Variants in CDIN1 observed in about 807,000 individuals in gnomAD.
The protein encoded by CDIN1 is CDAN1-interacting nuclease 1.
In CDIN1, 33 loss-of-function variants were observed where a neutral mutation model predicts 45.3. That is an observed-to-expected ratio of 0.73 (90% CI 0.55 to 0.97). The LOEUF (loss-of-function observed/expected upper bound fraction) is 0.97. CDIN1 is among the 50% of genes least tolerant of loss of function. The probability of loss-of-function intolerance (pLI) is 0.00; values close to 1 mark genes in which losing one functional copy is unlikely to be tolerated. For synonymous variants in CDIN1, 118 were observed against 124.4 expected (o/e 0.95, Z 0.34); for missense variants, 303 against 339.4 (o/e 0.89, Z 0.84).
intron 1 of CDIN1, among the ~76,000 whole-genome samples, chr15:36,584,184 A>G (rs2037181803): frequency 6.6e-6 from 1 of 152,190 alleles, no homozygotes; most frequent in Non-Finnish European, 1.5e-5. Context: ...TGTGTTTGCA[A>G]AGTGAAATTT....
At position 36,697,336 on chromosome 15, in the gene CDIN1, G is replaced by A; in HGVS notation, c.490G>A (p.Glu164Lys). ...GAAACTTCCCAGTGCCATTGGTCAT[G>A]AGCATGAGGTCCTGCTGAGAGACTT... ...VDCIKHAIGHEHEVLLRDLLL... is the reference protein window; with the variant it reads ...VDCIKHAIGHKHEVLLRDLLL... Residue 164 changes from glutamate (E) to lysine (K), a missense_variant, in exon 8 of 11, where the codon GAG becomes AAG. By Grantham distance (56) the Glu-to-Lys change is moderately conservative. Coordinates refer to ENST00000566621, the MANE Select transcript of CDIN1 (RefSeq NM_001321759.2). 6.2e-7 allele frequency: 1 copy of A among 1,612,508 alleles called. No individual in the cohort carries two copies.
Position 36,800,909 on chromosome 15 carries a change from GTATATATATA to G in CDIN1, c.717-7389_717-7380del, listed in dbSNP as rs370036091. 1.9e-3 allele frequency among the ~76,000 whole-genome samples: 43 copies of G among 22,390 alleles called. 1 individual carries two copies. The highest frequency in any genetic ancestry group is 0.014 in the Admixed American group (15 of 1,052). The allele number at this position is 22,390 out of a possible 152,430, so 14.7% of individuals were successfully genotyped here. ...TGTGTGTGTGTGTGTGTGTGTGTGT[GTATATATATA>G]TATATATATATATATATATATATAT... On this transcript the variant is annotated intron_variant, in intron 10 of 10. Coordinates refer to ENST00000566621, the MANE Select transcript of CDIN1 (RefSeq NM_001321759.2).
chr15:36,782,116 G>A (rs2054368045), intron 10 of CDIN1, among the ~76,000 whole-genome samples: 1 of 152,112 alleles, frequency 6.6e-6, no homozygotes, highest in South Asian at 2.1e-4. Flanking sequence ...ATAATTAGCA[G>A]CCTTGACTTT....
intron 10 of CDIN1, among the ~76,000 whole-genome samples, chr15:36,749,132 A>G (rs2053388242): frequency 6.6e-6 from 1 of 152,216 alleles, no homozygotes; most frequent in African/African-American, 2.4e-5. Flanking sequence ...AGAAATATAC[A>G]TATTAAATGA....
intron 10 of CDIN1, among the ~76,000 whole-genome samples, chr15:36,781,580 A>T (rs80207479): frequency 0.019 from 2,952 of 152,338 alleles, 105 homozygotes; most frequent in African/African-American, 0.066. Flanking sequence ...AAATGACTGA[A>T]ACATGTTCTT....
chr15:36,615,405 C>A (rs1361432024), intron 1 of CDIN1, among the ~76,000 whole-genome samples: 1 of 152,034 alleles, frequency 6.6e-6, no homozygotes, highest in Non-Finnish European at 1.5e-5. Flanking sequence ...AAAGAGAAAT[C>A]AATAGTGCAA....
rs2055302024 is a variant in CDIN1 at position 36,808,432 on chromosome 15, C to T, written c.825C>T (p.Thr275=). ...LKACFPTNIV[T]LCHSIA is the part of the protein sequence containing the mutation. The stretch of plus-strand genomic sequence containing the variant: ...CCTGTTTCCCCACGAACATTGTCAC[C>T]TTATGCCACAGCATAGCTTGACCCT... Residue 275 remains threonine, a synonymous_variant, in exon 11 of 11, where the codon ACC becomes ACT. Coordinates refer to ENST00000566621, the MANE Select transcript of CDIN1 (RefSeq NM_001321759.2). 6.2e-7 allele frequency: 1 copy of T among 1,613,498 alleles called. No homozygotes were observed. The highest frequency in any genetic ancestry group is 1.1e-5 in the South Asian group (1 of 91,062).
chr15:36,774,054 G>C (rs1486740370), intron 10 of CDIN1, among the ~76,000 whole-genome samples: 1 of 152,118 alleles, frequency 6.6e-6, no homozygotes, highest in Non-Finnish European at 1.5e-5. Flanking sequence ...CTGGGAGTCA[G>C]AGAAGAGTCT....
intron 5 of CDIN1, among the ~76,000 whole-genome samples, chr15:36,680,542 A>G (rs1305248601): frequency 6.6e-6 from 1 of 152,148 alleles, no homozygotes; most frequent in Non-Finnish European, 1.5e-5. Context: ...ATCTTTGGGT[A>G]TCAGAAATGG....
chr15:36,725,023 G>A (rs927760173), intron 10 of CDIN1, among the ~76,000 whole-genome samples: 1 of 152,104 alleles, frequency 6.6e-6, no homozygotes, highest in Non-Finnish European at 1.5e-5. Flanking sequence ...CACATCCAAA[G>A]CTCCATCGGC....
At chr15:36,599,309 A>G (rs2037989884) in intron 1 of CDIN1, among the ~76,000 whole-genome samples, 2 of 152,224 alleles carry the variant, frequency 1.3e-5, no homozygotes, top group Non-Finnish European at 2.9e-5. Context: ...AAAGTAAAAT[A>G]TAACACAGAC....
intron 10 of CDIN1, among the ~76,000 whole-genome samples, chr15:36,748,757 T>C (rs2053369258): frequency 6.6e-6 from 1 of 152,168 alleles, no homozygotes; most frequent in East Asian, 1.9e-4. Flanking sequence ...ACTAGATCTA[T>C]GTGACTTCTG....
intron 5 of CDIN1, among the ~76,000 whole-genome samples, chr15:36,674,334 G>A (rs1006783217): frequency 3.3e-5 from 5 of 152,100 alleles, no homozygotes; most frequent in South Asian, 2.1e-4. Flanking sequence ...AACACACAAA[G>A]TCATTGTCAA....
At chr15:36,712,543 C>T (rs553852220) in intron 10 of CDIN1, among the ~76,000 whole-genome samples, 85 of 152,116 alleles carry the variant, frequency 5.6e-4, no homozygotes, top group African/African-American at 1.9e-3. Context: ...GGATCACAGG[C>T]GTGAGCCACT....
intron 1 of CDIN1, among the ~76,000 whole-genome samples, chr15:36,583,622 A>G (rs949231561): frequency 2.6e-5 from 4 of 152,224 alleles, no homozygotes; most frequent in Non-Finnish European, 5.9e-5. Context: ...TAAGTGAAAC[A>G]ATGTATAATG....
In CDIN1 at chr15:36,751,229, TTATATATATATA is replaced by T. The variant is rs10557235; in HGVS notation, c.716+41288_716+41299del. On this transcript the variant is annotated intron_variant, in intron 10 of 10. Coordinates refer to ENST00000566621, the MANE Select transcript of CDIN1 (RefSeq NM_001321759.2). Reference sequence around the variant, plus strand: ...ATAAAAGCATATATATATGCTTATTTTATATATATATATATATATATATATATATATGGCACT... The same window carrying T: ...ATAAAAGCATATATATATGCTTATTTTATATATATATATATATATGGCACT... Among the ~76,000 whole-genome samples the T allele has an allele frequency of 4.0e-4, 39 of 97,574 alleles. 2 individuals are homozygous for T. The highest frequency in any genetic ancestry group is 1.2e-3 in the South Asian group (3 of 2,454). 64.0% of individuals were successfully genotyped at this position (97,574 alleles called of 152,430 possible).
chr15:36,809,990 T>G lies in CDIN1; in HGVS notation c.*1537T>G, dbSNP rs2055346189. ...CAGTATAAAATTCATCATGCAGGCT[T>G]CTGAGTGAAATAGAATGATTTGAAA... On this transcript the variant is annotated 3_prime_UTR_variant, in exon 11 of 11. Transcript: ENST00000566621. The G allele has an allele frequency of 6.6e-6, 1 of 151,988 alleles. No homozygotes were observed. Among genetic ancestry groups the G allele is most frequent in the South Asian group, 2.1e-4 (1 of 4,830 alleles). The allele number at this position is 151,988 out of a possible 1,614,324, so 9.4% of individuals were successfully genotyped here. A position where few individuals can be genotyped will look rare whatever the true frequency, so the allele number is the denominator to read the frequency against.
intron 5 of CDIN1, among the ~76,000 whole-genome samples, chr15:36,671,495 T>G (rs2041449965): frequency 6.6e-6 from 1 of 152,114 alleles, no homozygotes; most frequent in South Asian, 2.1e-4. Flanking sequence ...TCTTTTTTTT[T>G]GTTTACTGAA....
At chr15:36,769,651 T>C (rs1414816192) in intron 10 of CDIN1, among the ~76,000 whole-genome samples, 2 of 152,222 alleles carry the variant, frequency 1.3e-5, no homozygotes, top group African/African-American at 4.8e-5. Context: ...AGGTAGGTAC[T>C]GTTAACTCCA....
Sources: allele counts gnomAD v4.1 joint callset (sites outside exome capture counted in the v4.1 genomes callset), GRCh38; gene constraint gnomAD v4.1.1; transcripts MANE v1.5; gene names NCBI Gene and HGNC (gene_info 2026-07-23, HGNC 2026-07-21).